Variants in SMU1 observed in about 807,000 individuals in gnomAD.
SMU1 encodes the protein SMU1 DNA replication regulator and spliceosomal factor.
A neutral mutation model predicts 62.0 loss-of-function variants in SMU1; 2 were observed. That is an observed-to-expected ratio of 0.03 (90% CI 0.01 to 0.10). SMU1 has a LOEUF of 0.10. SMU1 is among the 10% of genes least tolerant of loss of function. The pLI is 1.00. For missense variants in SMU1, 227 were observed against 622.1 expected (o/e 0.36, Z 6.76); for synonymous variants, 188 against 212.4 (o/e 0.89, Z 1.00).
chr9:33,044,463 C>T lies in SMU1; in HGVS notation c.*2830G>A, dbSNP rs944868421. 2 of 152,452 alleles carry T rather than the reference C, an allele frequency of 1.3e-5. No individual in the cohort carries two copies. Among genetic ancestry groups the T allele is most frequent in the African/African-American group, 4.8e-5 (2 of 41,458 alleles). 9.4% of individuals were successfully genotyped at this position (152,452 alleles called of 1,614,324 possible). On this transcript the variant is annotated 3_prime_UTR_variant, in exon 12 of 12. Coordinates refer to ENST00000397149, the MANE Select transcript of SMU1 (RefSeq NM_018225.3). ...CACCCGGAGCAGCGGCGCCCCAGATCCGGCCGTCCGCCCTGCGCGTGCGCG... is the reference window on the plus strand; with the variant it reads ...CACCCGGAGCAGCGGCGCCCCAGATTCGGCCGTCCGCCCTGCGCGTGCGCG...
In SMU1 at chr9:33,057,638, G is replaced by T. The variant is rs200292288; in HGVS notation, c.827C>A (p.Thr276Lys). The change falls in exon 7 of 12, where the codon ACA becomes AAA. Residue 276 changes from threonine to lysine, a missense_variant. Physicochemically the swap from Thr to Lys is moderately conservative, Grantham distance 78 (BLOSUM62 -1). Transcript: ENST00000397149. ...AVLCMCFSRDTEMLATGAQDG... is the reference protein window; with the variant it reads ...AVLCMCFSRDKEMLATGAQDG... The stretch of plus-strand genomic sequence containing the variant: ...TTGGGCCCCAGTTGCTAACATTTCT[G>T]TATCTCTGCTGAAACACATGCAGAG... 1.2e-6 allele frequency: 2 copies of T among 1,613,896 alleles called. No individual in the cohort carries two copies. The highest frequency in any genetic ancestry group is 2.2e-5 in the East Asian group (1 of 44,876).
chr9:33,053,964 A>G (rs1839277774), intron 9 of SMU1, among the ~76,000 whole-genome samples: 1 of 152,228 alleles, frequency 6.6e-6, no homozygotes, highest in South Asian at 2.1e-4. Context: ...ATAAACAACC[A>G]GAAAGCTACC....
intron 4 of SMU1, among the ~76,000 whole-genome samples, chr9:33,067,623 C>T (rs974845665): frequency 2.0e-5 from 3 of 151,784 alleles, no homozygotes; most frequent in African/African-American, 2.4e-5. Flanking sequence ...CTCAGCCTCC[C>T]GAGTAGCTGA....
At chr9:33,069,660 G>A (rs1280401115) in intron 3 of SMU1, among the ~76,000 whole-genome samples, 2 of 152,122 alleles carry the variant, frequency 1.3e-5, no homozygotes, top group East Asian at 1.9e-4. Context: ...AACTAGCCAG[G>A]CCATAGTGGT....
In SMU1 at chr9:33,043,270, A is replaced by T. The variant is rs1474103286; in HGVS notation, c.*4023T>A. 1 of 152,236 alleles carries T rather than the reference A, an allele frequency of 6.6e-6. No homozygotes were observed. The highest frequency in any genetic ancestry group is 1.5e-5 in the Non-Finnish European group (1 of 68,044). 9.4% of individuals were successfully genotyped at this position (152,236 alleles called of 1,614,324 possible). ...ATGAGAACACTAGCAAGCTATGGCA[A>T]TTTGAAAAAATGTGATTTTAAGAGT... On this transcript the variant is annotated 3_prime_UTR_variant, in exon 12 of 12. Coordinates refer to ENST00000397149, the MANE Select transcript of SMU1 (RefSeq NM_018225.3).
intron 9 of SMU1, among the ~76,000 whole-genome samples, chr9:33,053,690 T>C (rs1186164604): frequency 6.6e-6 from 1 of 152,262 alleles, no homozygotes; most frequent in Non-Finnish European, 1.5e-5. Context: ...ATTTAAGTTT[T>C]GCTTTTTAGA....
At chr9:33,061,923 T>C in intron 5 of SMU1, 126 bp downstream of exon 5, 2 of 1,028,416 alleles carry the variant, frequency 1.9e-6, no homozygotes, top group South Asian at 3.3e-5. Flanking sequence ...CAACCTTGAA[T>C]ATTGTCAGAG....
In SMU1 at chr9:33,053,268, T is replaced by G. The variant is rs1839269328; in HGVS notation, c.1145A>C (p.Glu382Ala). ...CAGGGATTTAAAGGTATTTGAACAT[T>G]CTGTGGTCTTCATATTCCAGATCTA... ...TVKIWNMKTT[E>A]CSNTFKSLGS... The change falls in exon 10 of 12, where the codon GAA becomes GCA. Residue 382 changes from glutamate to alanine, a missense_variant. Physicochemically the swap from Glu to Ala is moderately radical, Grantham distance 107. Transcript: ENST00000397149. 6.2e-7 allele frequency: 1 copy of G among 1,612,780 alleles called. No homozygotes were observed. The highest frequency in any genetic ancestry group is 1.7e-5 in the Admixed American group (1 of 59,984).
intron 6 of SMU1, among the ~76,000 whole-genome samples, chr9:33,059,521 C>T (rs1839339518): frequency 6.6e-6 from 1 of 151,304 alleles, no homozygotes; most frequent in Non-Finnish European, 1.5e-5. Context: ...ACCCGGGAGG[C>T]GGAGGTTGCA....
intron 4 of SMU1, among the ~76,000 whole-genome samples, chr9:33,062,380 G>A (rs866326143): frequency 1.4e-4 from 22 of 152,088 alleles, no homozygotes; most frequent in Admixed American, 2.6e-4. Flanking sequence ...AGGGTGAAGG[G>A]GACCTGAGAG....
intron 2 of SMU1, among the ~76,000 whole-genome samples, chr9:33,072,373 C>T (rs549500862): frequency 2.0e-5 from 3 of 152,174 alleles, no homozygotes; most frequent in Non-Finnish European, 4.4e-5. Context: ...CCTTCAAACT[C>T]TATCCTTCAT....
At chr9:33,069,486 AC>A in intron 3 of SMU1, among the ~76,000 whole-genome samples, 1 of 152,152 alleles carries the variant, frequency 6.6e-6, no homozygotes, top group Non-Finnish European at 1.5e-5. Flanking sequence ...CTTGCAAACT[AC>A]CCATCTGACA....
At chr9:33,069,279 T>C (rs912245090) in intron 3 of SMU1, among the ~76,000 whole-genome samples, 4 of 152,206 alleles carry the variant, frequency 2.6e-5, no homozygotes, top group African/African-American at 7.2e-5. Context: ...TTTGAAAAAT[T>C]TGCAGAACCA....
intron 4 of SMU1, among the ~76,000 whole-genome samples, chr9:33,062,588 T>C (rs1489878025): frequency 6.6e-6 from 1 of 152,226 alleles, no homozygotes; most frequent in African/African-American, 2.4e-5. Flanking sequence ...TGTAAAATTT[T>C]ATTTTCTCCT....
Position 33,056,199 on chromosome 9 carries a change from G to T in SMU1, c.1036C>A (p.Arg346Ser). The part of the protein sequence containing the change: ...LKSGKTLKEF[R>S]GHSSFVNEAT... ...TCGTTAACAAAGGAGGAATGGCCAC[G>T]AAATTCCTTCAGGGTTTTCCCAGAT... Residue 346 changes from arginine to serine, a missense_variant, in exon 9 of 12, where the codon CGT (arginine) becomes AGT (serine). Physicochemically the swap from Arg to Ser is moderately radical, Grantham distance 110 (BLOSUM62 -1). Transcript: ENST00000397149. 6.2e-7 allele frequency: 1 copy of T among 1,612,932 alleles called. No homozygotes were observed. Among genetic ancestry groups the T allele is most frequent in the South Asian group, 1.1e-5 (1 of 90,968 alleles).
chr9:33,047,975 A>T, intron 11 of SMU1, 131 bp downstream of exon 11: 2 of 736,732 alleles, frequency 2.7e-6, no homozygotes, highest in Non-Finnish European at 4.2e-6. Flanking sequence ...ACATGGAGCT[A>T]AATGTTTTAA....
chr9:33,065,088 T>C (rs1839405571), intron 4 of SMU1, among the ~76,000 whole-genome samples: 1 of 152,160 alleles, frequency 6.6e-6, no homozygotes, highest in Non-Finnish European at 1.5e-5. Context: ...GGTAATTACA[T>C]TTACAGCTTC....
intron 9 of SMU1, among the ~76,000 whole-genome samples, chr9:33,055,570 C>A (rs1839294936): frequency 6.6e-6 from 1 of 152,060 alleles, no homozygotes; most frequent in Non-Finnish European, 1.5e-5. Context: ...ATAACTAAAT[C>A]TTTAAAGGTA....
intron 2 of SMU1, among the ~76,000 whole-genome samples, chr9:33,072,701 C>T (rs1266318274): frequency 5.4e-5 from 8 of 149,304 alleles, no homozygotes; most frequent in East Asian, 4.0e-4. Context: ...TGGTGATGCA[C>T]GCCTGTAATC....
Sources: allele counts gnomAD v4.1 joint callset (sites outside exome capture counted in the v4.1 genomes callset), GRCh38; gene constraint gnomAD v4.1.1; transcripts MANE v1.5; gene names NCBI Gene and HGNC (gene_info 2026-07-23, HGNC 2026-07-21).